Variants in RAPGEF1 observed in about 807,000 individuals in gnomAD.
RAPGEF1 encodes CRK SH3-binding GNRP.
Under a neutral mutation model 143.3 loss-of-function variants are expected in RAPGEF1, and 33 were observed. The observed-to-expected ratio is 0.23, with a 90% CI of 0.17 to 0.31. The LOEUF is 0.31. Ranked by LOEUF, RAPGEF1 falls within the 10% of genes least tolerant of loss-of-function variation. The pLI, the probability that RAPGEF1 is intolerant of heterozygous loss-of-function variation, is 1.00. For missense variants in RAPGEF1, 1,199 were observed against 1,645.4 expected, an observed-to-expected ratio of 0.73 and a Z score of 4.69; for synonymous variants, 629 against 676.5, an observed-to-expected ratio of 0.93 and a Z score of 1.09.
intron 12 of RAPGEF1, among the ~76,000 whole-genome samples, chr9:131,614,597 C>T (rs1378944185): frequency 6.6e-6 from 1 of 152,244 alleles, no homozygotes; most frequent in Non-Finnish European, 1.5e-5. Flanking sequence ...GAGCCTGCAA[C>T]AGGTCCCGAG....
intron 1 of RAPGEF1, among the ~76,000 whole-genome samples, chr9:131,679,559 G>T (rs1832737383): frequency 6.6e-6 from 1 of 152,184 alleles, no homozygotes; most frequent in African/African-American, 2.4e-5. Context: ...GTTTCGTATT[G>T]CCGCATAATG....
intron 1 of RAPGEF1, among the ~76,000 whole-genome samples, chr9:131,703,097 C>T (rs1589053864): frequency 6.6e-6 from 1 of 152,186 alleles, no homozygotes; most frequent in Admixed American, 6.5e-5. Flanking sequence ...CACCTGAGCC[C>T]AGGAGGCAGA....
At chr9:131,596,216 G>C (rs773313200) in intron 17 of RAPGEF1, 82 bp downstream of exon 17, 1 of 1,326,806 alleles carries the variant, frequency 7.5e-7, no homozygotes, top group Non-Finnish European at 1.1e-6. Flanking sequence ...TGGCTGCCAG[G>C]AGGGGACAGG....
At chr9:131,692,556 A>C (rs771185698) in intron 1 of RAPGEF1, among the ~76,000 whole-genome samples, 1 of 152,160 alleles carries the variant, frequency 6.6e-6, no homozygotes, top group Non-Finnish European at 1.5e-5. Flanking sequence ...TCACCCAAAC[A>C]CCGGACGTTA....
At chr9:131,668,614 G>A (rs1460488124) in intron 1 of RAPGEF1, among the ~76,000 whole-genome samples, 1 of 152,142 alleles carries the variant, frequency 6.6e-6, no homozygotes, top group Non-Finnish European at 1.5e-5. Flanking sequence ...CCGGTGTCCT[G>A]AACCACTCAA....
intron 12 of RAPGEF1, among the ~76,000 whole-genome samples, chr9:131,608,321 C>G (rs1202409676): frequency 6.6e-6 from 1 of 152,174 alleles, no homozygotes; most frequent in Non-Finnish European, 1.5e-5. Flanking sequence ...CAGTAGGGGC[C>G]TAATACATAT....
intron 1 of RAPGEF1, among the ~76,000 whole-genome samples, chr9:131,737,702 C>G (rs1029855809): frequency 6.6e-6 from 1 of 152,074 alleles, no homozygotes; most frequent in Non-Finnish European, 1.5e-5. Flanking sequence ...CGGTGGCTCA[C>G]GCATGTAATC....
intron 1 of RAPGEF1, among the ~76,000 whole-genome samples, chr9:131,660,470 T>C (rs937206781): frequency 6.6e-6 from 1 of 151,788 alleles, no homozygotes; most frequent in Admixed American, 6.6e-5. Flanking sequence ...CAAGCCATTG[T>C]GGGCATTTTC....
intron 12 of RAPGEF1, among the ~76,000 whole-genome samples, chr9:131,612,206 C>T (rs1047195528): frequency 6.6e-6 from 1 of 152,188 alleles, no homozygotes; most frequent in Non-Finnish European, 1.5e-5. Flanking sequence ...TTTCCTATAA[C>T]TTTATCTTAA....
chr9:131,719,339 T>A (rs1836088777), intron 1 of RAPGEF1, among the ~76,000 whole-genome samples: 1 of 152,174 alleles, frequency 6.6e-6, no homozygotes, highest in African/African-American at 2.4e-5. Flanking sequence ...TCCCTCGCAA[T>A]ACTGCTGACA....
chr9:131,737,214 C>T (rs1227881558), intron 1 of RAPGEF1, among the ~76,000 whole-genome samples: 2 of 152,188 alleles, frequency 1.3e-5, no homozygotes, highest in African/African-American at 4.8e-5. Flanking sequence ...AGAACTCTTA[C>T]TTTTTCTGCT....
At chr9:131,739,678 C>G in intron 1 of RAPGEF1, 92 bp downstream of exon 1, 3 of 941,326 alleles carry the variant, frequency 3.2e-6, no homozygotes, top group Non-Finnish European at 3.8e-6. Context: ...CGGAGGGCCG[C>G]ACATCCCGGG....
intron 1 of RAPGEF1, among the ~76,000 whole-genome samples, chr9:131,708,772 C>A (rs1209560202): frequency 6.6e-6 from 1 of 151,554 alleles, no homozygotes. Context: ...CACTCTGTCA[C>A]CCAGGCTGGA....
chr9:131,640,654 A>G (rs1275089231), intron 4 of RAPGEF1, among the ~76,000 whole-genome samples: 1 of 152,158 alleles, frequency 6.6e-6, no homozygotes, highest in Non-Finnish European at 1.5e-5. Context: ...CCTCCATTCA[A>G]AGCTCATGCT....
intron 1 of RAPGEF1, among the ~76,000 whole-genome samples, chr9:131,705,375 A>C (rs931227882): frequency 6.6e-6 from 1 of 152,206 alleles, no homozygotes; most frequent in Non-Finnish European, 1.5e-5. Context: ...TTAAAAAAAA[A>C]AAACCATGGA....
intron 1 of RAPGEF1, among the ~76,000 whole-genome samples, chr9:131,704,830 T>C (rs1834930007): frequency 6.6e-6 from 1 of 152,148 alleles, no homozygotes; most frequent in Non-Finnish European, 1.5e-5. Context: ...TGCCTACCTC[T>C]GGGAGGGCAG....
At chr9:131,586,819 T>A (rs1415371609) in intron 22 of RAPGEF1, among the ~76,000 whole-genome samples, 2 of 26,576 alleles carry the variant, frequency 7.5e-5, no homozygotes, top group East Asian at 1.1e-3. Flanking sequence ...CACACACACC[T>A]GCAGAGCGAG....
rs762188995 is a variant in RAPGEF1, at chr9:131,739,796, TC to T, written c.34del (p.Glu12LysfsTer21). ...SGGLGLRRSP[E>X]MSGKIEKADS... ...TGCTTTCTCGATCTTGCCGGACATTTCCGGGCTGCGCCGGAGGCCGAGGCCG... is the reference window on the plus strand; with the variant it reads ...TGCTTTCTCGATCTTGCCGGACATTTCGGGCTGCGCCGGAGGCCGAGGCCG... On this transcript the variant is annotated frameshift_variant, in exon 1 of 27. Transcript: ENST00000683357. LOFTEE classifies it high-confidence loss of function. The T allele has an allele frequency of 6.4e-5, 74 of 1,163,134 alleles. No homozygotes were observed. Among genetic ancestry groups the T allele is most frequent in the Non-Finnish European group, 7.8e-5 (72 of 926,502 alleles). 72.1% of individuals were successfully genotyped at this position (1,163,134 alleles called of 1,614,324 possible).
chr9:131,670,756 A>G (rs1354558338), intron 1 of RAPGEF1, among the ~76,000 whole-genome samples: 1 of 152,220 alleles, frequency 6.6e-6, no homozygotes, highest in Non-Finnish European at 1.5e-5. Flanking sequence ...CCAAGACACT[A>G]TTTTTAAACA....
Sources: allele counts gnomAD v4.1 joint callset (sites outside exome capture counted in the v4.1 genomes callset), GRCh38; gene constraint gnomAD v4.1.1; transcripts MANE v1.5; gene names NCBI Gene and HGNC (gene_info 2026-07-23, HGNC 2026-07-21).